The following PTPRQ variants were observed in gnomAD, a reference collection of about 807,000 sequenced individuals.
PTPRQ encodes phosphatidylinositol phosphatase PTPRQ.
A neutral mutation model predicts 246.0 loss-of-function variants in PTPRQ; 199 were observed. The ratio of observed to expected loss-of-function variants is 0.81; its 90% confidence interval spans 0.72 to 0.91. The LOEUF (loss-of-function observed/expected upper bound fraction) is 0.91. Among genes scored for constraint, PTPRQ ranks in the 40% least tolerant of loss-of-function variants. PTPRQ has a pLI of 0.00. For synonymous variants in PTPRQ, 869 were observed against 853.2 expected (o/e 1.02, Z -0.32); for missense variants, 2,624 against 2,528.4 (o/e 1.04, Z -0.81).
chr12:80,610,567 T>C lies in PTPRQ; in HGVS notation c.4860T>C (p.Ser1620=). 1 of 1,543,862 alleles carries C rather than the reference T, an allele frequency of 6.5e-7. No individual in the cohort carries two copies. Among genetic ancestry groups the C allele is most frequent in the Non-Finnish European group, 8.8e-7 (1 of 1,141,522 alleles). The part of the protein sequence containing the change: ...VVITAFTGNI[S]AAYVEGKSSA... The stretch of plus-strand genomic sequence containing the variant: ...TCACTGCATTTACTGGGAACATTAG[T>C]GCTGCATATGTAGAAGGGAAGTCAA... Residue 1620 remains serine (S), a synonymous_variant, in exon 28 of 45, where the codon AGT becomes AGC. Transcript: ENST00000644991.
chr12:80,671,089 A>G (rs1900955430), intron 42 of PTPRQ, among the ~76,000 whole-genome samples: 1 of 152,088 alleles, frequency 6.6e-6, no homozygotes, highest in Non-Finnish European at 1.5e-5. Context: ...AGATAAATTC[A>G]TTCAGTTTTT....
In PTPRQ at chr12:80,506,675, A is replaced by G; in HGVS notation, c.2557+5A>G. ...GTATACTGACGGAGGAAGATGGTAA[A>G]TATAATAGTGGATATTGATATACTT... On this transcript the variant is annotated splice_donor_5th_base_variant and intron_variant, in intron 16 of 44. Transcript: ENST00000644991. 4 of 1,536,594 alleles carry G rather than the reference A, an allele frequency of 2.6e-6. No homozygotes were observed. The highest frequency in any genetic ancestry group is 3.5e-6 in the Non-Finnish European group (4 of 1,138,608).
At chr12:80,456,683 C>T (rs1351954040) in intron 3 of PTPRQ, among the ~76,000 whole-genome samples, 1 of 152,126 alleles carries the variant, frequency 6.6e-6, no homozygotes, top group Non-Finnish European at 1.5e-5. Flanking sequence ...CTTTATAAAT[C>T]ATTCTTGTGA....
intron 3 of PTPRQ, among the ~76,000 whole-genome samples, chr12:80,449,856 T>C (rs1565710756): frequency 2.0e-5 from 3 of 152,036 alleles, no homozygotes; most frequent in African/African-American, 4.8e-5. Context: ...CTTGGCGATG[T>C]GGGCTCTTTT....
chr12:80,506,257 G>T, intron 15 of PTPRQ, 51 bp downstream of exon 15: 1 of 1,398,148 alleles, frequency 7.2e-7, no homozygotes, highest in South Asian at 1.5e-5. Flanking sequence ...TGACAGAGTA[G>T]CCACAAATAT....
chr12:80,648,572 A>G (rs1468985304), intron 35 of PTPRQ, among the ~76,000 whole-genome samples: 1 of 152,070 alleles, frequency 6.6e-6, no homozygotes, highest in Non-Finnish European at 1.5e-5. Flanking sequence ...AGACCACTAA[A>G]TACCATGCAA....
At chr12:80,668,713 A>G (rs1900867463) in intron 39 of PTPRQ, among the ~76,000 whole-genome samples, 1 of 152,010 alleles carries the variant, frequency 6.6e-6, no homozygotes, top group Non-Finnish European at 1.5e-5. Context: ...ACAAAGACTC[A>G]GACTTAAGAC....
chr12:80,453,437 C>G (rs7311203), intron 3 of PTPRQ, among the ~76,000 whole-genome samples: 147,431 of 151,820 alleles, frequency 0.97, 71,737 homozygotes, highest in African/African-American at 1. Flanking sequence ...AGGAGGAGAG[C>G]TGCTCTGCTT....
chr12:80,577,372 C>G (rs906651887), intron 25 of PTPRQ, among the ~76,000 whole-genome samples: 7 of 152,012 alleles, frequency 4.6e-5, no homozygotes, highest in African/African-American at 1.7e-4. Flanking sequence ...GGGCGAGCCC[C>G]TTATAAAACT....
chr12:80,633,406 T>G (rs73150780), intron 34 of PTPRQ, among the ~76,000 whole-genome samples: 2,804 of 152,318 alleles, frequency 0.018, 42 homozygotes, highest in Non-Finnish European at 0.028. Context: ...CTTTCCATTC[T>G]CAGCATCAGC....
Position 80,619,541 on chromosome 12 carries a change from A to G in PTPRQ, c.5388A>G (p.Gly1796=), listed in dbSNP as rs1443184215. ...KNVQVLVTET[G]AQHDGNVTKW... ...TACAAGTGCTTGTGACAGAAACAGGAGGTATCATCACATGTCAATTTATCT... is the reference window on the plus strand; with the variant it reads ...TACAAGTGCTTGTGACAGAAACAGGGGGTATCATCACATGTCAATTTATCT... The change falls in exon 31 of 45, where the codon GGA becomes GGG. Residue 1796 remains glycine, a splice_region_variant and synonymous_variant. Transcript: ENST00000644991. 18 of 1,523,188 alleles carry G rather than the reference A, an allele frequency of 1.2e-5. No homozygotes were observed. The South Asian group carries it at 1.9e-4, about 16-fold the overall frequency. The allele number at this position is 1,523,188 out of a possible 1,614,324, so 94.4% of individuals were successfully genotyped here.
chr12:80,558,008 T>A (rs1896693544), intron 25 of PTPRQ, among the ~76,000 whole-genome samples: 1 of 151,958 alleles, frequency 6.6e-6, no homozygotes, highest in South Asian at 2.1e-4. Flanking sequence ...TTCAACCAAG[T>A]TTTTTTGTGT....
intron 17 of PTPRQ, among the ~76,000 whole-genome samples, chr12:80,532,482 A>C (rs997381650): frequency 6.6e-6 from 1 of 152,076 alleles, no homozygotes; most frequent in Non-Finnish European, 1.5e-5. Context: ...TGGTCTCCCG[A>C]AGTGCCGGCA....
intron 17 of PTPRQ, among the ~76,000 whole-genome samples, chr12:80,532,626 G>C (rs954308884): frequency 1.3e-5 from 2 of 152,128 alleles, no homozygotes; most frequent in African/African-American, 4.8e-5. Context: ...CTATGAAAAG[G>C]CATCTTTTCT....
intron 26 of PTPRQ, among the ~76,000 whole-genome samples, chr12:80,597,970 C>T (rs936154215): frequency 6.6e-5 from 10 of 151,938 alleles, no homozygotes; most frequent in African/African-American, 2.4e-4. Flanking sequence ...AGAATATTTT[C>T]ATTCTTACCT....
chr12:80,477,036 G>C (rs952489407), intron 8 of PTPRQ, among the ~76,000 whole-genome samples: 2 of 151,976 alleles, frequency 1.3e-5, no homozygotes, highest in South Asian at 2.1e-4. Flanking sequence ...TTTTTTGCCC[G>C]TTACTCCTGT....
chr12:80,588,207 C>T lies in PTPRQ; in HGVS notation c.4364C>T (p.Thr1455Ile), dbSNP rs1174629907. 1 of 1,551,588 alleles carries T rather than the reference C, an allele frequency of 6.4e-7. No individual in the cohort carries two copies. The stretch of plus-strand genomic sequence containing the variant: ...ACATTGACATGGATAAGACCTGACA[C>T]TATCCTTGGCTACTTTCAAAATTAC... Reference protein sequence around the residue: ...SATLTWIRPDTILGYFQNYKI... With the variant: ...SATLTWIRPDIILGYFQNYKI... Residue 1455 changes from threonine (T) to isoleucine (I), a missense_variant, in exon 26 of 45, where the codon ACT (threonine) becomes ATT (isoleucine). Thr to Ile is a moderately conservative substitution (Grantham distance 89). Coordinates refer to ENST00000644991, the MANE Select transcript of PTPRQ (RefSeq NM_001145026.2).
intron 26 of PTPRQ, among the ~76,000 whole-genome samples, chr12:80,592,631 T>C (rs1321281611): frequency 6.6e-6 from 1 of 152,076 alleles, no homozygotes; most frequent in Non-Finnish European, 1.5e-5. Context: ...ATACCAAAGA[T>C]GAAAATATAA....
chr12:80,482,081 C>G (rs551708120), intron 8 of PTPRQ, among the ~76,000 whole-genome samples: 1 of 151,614 alleles, frequency 6.6e-6, no homozygotes, highest in Non-Finnish European at 1.5e-5. Context: ...AATCCTAAGC[C>G]AAAAGAACAA....
Sources: allele counts gnomAD v4.1 joint callset (sites outside exome capture counted in the v4.1 genomes callset), GRCh38; gene constraint gnomAD v4.1.1; transcripts MANE v1.5; gene names NCBI Gene and HGNC (gene_info 2026-07-23, HGNC 2026-07-21).